The following ZMYM2 variants were observed in gnomAD, a reference collection of about 807,000 sequenced individuals.
The protein encoded by ZMYM2 is zinc finger MYM-type protein 2.
A neutral mutation model predicts 162.8 loss-of-function variants in ZMYM2; 56 were observed. The observed-to-expected ratio is 0.34, with a 90% CI of 0.28 to 0.43. The LOEUF is 0.43. Among genes scored for constraint, ZMYM2 ranks in the 20% least tolerant of loss-of-function variants. The probability of loss-of-function intolerance (pLI) is 1.00; values close to 1 mark genes in which losing one functional copy is unlikely to be tolerated. For missense variants in ZMYM2, 1,275 were observed against 1,621.8 expected (o/e 0.79, Z 3.67); for synonymous variants, 510 against 541.6 (o/e 0.94, Z 0.81).
At chr13:19,908,934 G>C in the ZMYM2 span, among the ~76,000 whole-genome samples, 1 of 152,112 alleles carries the variant, frequency 6.6e-6, no homozygotes, top group South Asian at 2.1e-4. Context: ...AATGGAAGGG[G>C]ATTCTCAAGG....
the ZMYM2 span, among the ~76,000 whole-genome samples, chr13:19,875,904 A>G: frequency 0.032 from 4,922 of 152,256 alleles, 88 homozygotes; most frequent in Middle Eastern, 0.078. Context: ...GTGAAGGTTC[A>G]ATAGAAGCTC....
At chr13:19,969,576 CAA>C (rs1472370667) in intron 2 of ZMYM2, among the ~76,000 whole-genome samples, 1 of 152,022 alleles carries the variant, frequency 6.6e-6, no homozygotes, top group African/African-American at 2.4e-5. Flanking sequence ...AAGTATAACT[CAA>C]GATATGAAGG....
chr13:19,904,367 G>A, the ZMYM2 span, among the ~76,000 whole-genome samples: 1 of 151,530 alleles, frequency 6.6e-6, no homozygotes, highest in African/African-American at 2.4e-5. Context: ...GACCAGCCTG[G>A]CTAACATGGT....
intron 21 of ZMYM2, among the ~76,000 whole-genome samples, chr13:20,078,997 A>G (rs1201655552): frequency 6.6e-6 from 1 of 151,746 alleles, no homozygotes; most frequent in Non-Finnish European, 1.5e-5. Context: ...GTAACTCTTA[A>G]AAAAGGAATT....
chr13:19,948,276 G>A, the ZMYM2 span, among the ~76,000 whole-genome samples: 6 of 152,278 alleles, frequency 3.9e-5, no homozygotes, highest in Admixed American at 3.9e-4. Context: ...GAAAAGTTAT[G>A]TCCACACAAA....
At chr13:19,928,556 G>A in the ZMYM2 span, among the ~76,000 whole-genome samples, 14 of 152,216 alleles carry the variant, frequency 9.2e-5, no homozygotes, top group African/African-American at 2.6e-4. Flanking sequence ...TGGCACTTTG[G>A]GAGGTTGAGA....
intron 15 of ZMYM2, 92 bp from the exon 16 acceptor site, chr13:20,059,351 GTAGT>G (rs1204189936): frequency 7.5e-6 from 10 of 1,341,760 alleles, no homozygotes; most frequent in Middle Eastern, 2.2e-4. Context: ...AGGTACTGAG[GTAGT>G]TAAATTTTTC....
At chr13:19,983,450 A>AT (rs1277121317) in intron 2 of ZMYM2, among the ~76,000 whole-genome samples, 1 of 151,902 alleles carries the variant, frequency 6.6e-6, no homozygotes, top group Non-Finnish European at 1.5e-5. Flanking sequence ...CCGGCCTCAC[A>AT]TTTTTATATT....
intron 6 of ZMYM2, among the ~76,000 whole-genome samples, chr13:20,017,498 G>A (rs1251277517): frequency 1.3e-5 from 2 of 152,070 alleles, no homozygotes; most frequent in Non-Finnish European, 2.9e-5. Flanking sequence ...CCTTCTATCT[G>A]TAGATTTATG....
the ZMYM2 span, among the ~76,000 whole-genome samples, chr13:19,911,428 G>A: frequency 6.6e-6 from 1 of 152,148 alleles, no homozygotes; most frequent in African/African-American, 2.4e-5. Flanking sequence ...GGGTCACCTT[G>A]AGGAAGAAAC....
the ZMYM2 span, among the ~76,000 whole-genome samples, chr13:19,889,341 A>G: frequency 6.6e-6 from 1 of 151,878 alleles, no homozygotes; most frequent in Admixed American, 6.6e-5. Context: ...ACTTTTAGAC[A>G]GAGTTTCGTT....
At chr13:19,977,794 C>G (rs1040947851) in intron 2 of ZMYM2, among the ~76,000 whole-genome samples, 1 of 150,692 alleles carries the variant, frequency 6.6e-6, no homozygotes. Context: ...CCAGCCAACC[C>G]TTTCCATTTC....
intron 21 of ZMYM2, among the ~76,000 whole-genome samples, chr13:20,074,992 T>G (rs1044006839): frequency 1.1e-4 from 16 of 152,230 alleles, no homozygotes; most frequent in Admixed American, 2.0e-4. Flanking sequence ...ATATCTATTT[T>G]TATTATTGGA....
At chr13:20,039,823 T>G (rs1954076042) in intron 12 of ZMYM2, among the ~76,000 whole-genome samples, 1 of 152,186 alleles carries the variant, frequency 6.6e-6, no homozygotes, top group Non-Finnish European at 1.5e-5. Context: ...GAAAGCCTTT[T>G]CTGCATCTAT....
At chr13:19,926,372 T>TG in the ZMYM2 span, among the ~76,000 whole-genome samples, 2 of 149,574 alleles carry the variant, frequency 1.3e-5, no homozygotes, top group African/African-American at 4.9e-5. Flanking sequence ...TTTTTTTTTT[T>TG]TTTTTTTTTT....
In ZMYM2 at chr13:19,970,131, T is replaced by C. The variant is rs1388143335; in HGVS notation, c.-11+10105T>C. ...TTTAAACATTATGGAAAATTTGTTATCAAAAACAGTCATTACACTAGATCA... is the reference window on the plus strand; with the variant it reads ...TTTAAACATTATGGAAAATTTGTTACCAAAAACAGTCATTACACTAGATCA... On this transcript the variant is annotated intron_variant, in intron 2 of 24. Transcript: ENST00000610343. The C allele has an allele frequency of 5.8e-6, 5 of 869,242 alleles. No individual in the cohort carries two copies. The South Asian group carries it at 1.6e-4, about 28-fold the overall frequency. The allele number at this position is 869,242 out of a possible 1,614,324, so 53.8% of individuals were successfully genotyped here.
At chr13:19,954,147 T>TTTTTTTTTTTTTTTTTTTTTTTAAA, upstream of ZMYM2, among the ~76,000 whole-genome samples, 1 of 137,762 alleles carries the variant, frequency 7.3e-6, no homozygotes, top group African/African-American at 2.6e-5. Flanking sequence ...TTTTTTTTTT[T>TTTTTTTTTTTTTTTTTTTTTTTAAA]AGACGGAGTC....
intron 2 of ZMYM2, among the ~76,000 whole-genome samples, chr13:19,976,866 A>T (rs949083493): frequency 1.2e-4 from 19 of 152,228 alleles, no homozygotes. Context: ...TTGGAAGGGT[A>T]TAATGAAGTC....
At chr13:19,981,853 G>GGTTAAGA (rs199875501) in intron 2 of ZMYM2, among the ~76,000 whole-genome samples, 1 of 4,278 alleles carries the variant, frequency 2.3e-4, no homozygotes, top group Non-Finnish European at 3.5e-3. Flanking sequence ...GTCTGTTCGT[G>GGTTAAGA]GTGCATGTCT....
Sources: allele counts gnomAD v4.1 joint callset (sites outside exome capture counted in the v4.1 genomes callset), GRCh38; gene constraint gnomAD v4.1.1; transcripts MANE v1.5; gene names NCBI Gene and HGNC (gene_info 2026-07-23, HGNC 2026-07-21).